Variants in NOL4L observed in about 807,000 individuals in gnomAD.
The protein encoded by NOL4L is nucleolar protein 4-like.
NOL4L carries 7 observed loss-of-function variants against 64.5 expected under a neutral mutation model. The ratio of observed to expected loss-of-function variants is 0.11; its 90% CI spans 0.06 to 0.20. The LOEUF (loss-of-function observed/expected upper bound fraction) is 0.20. NOL4L is among the 10% of genes least tolerant of loss of function. The pLI, the probability that NOL4L is intolerant of heterozygous loss-of-function variation, is 1.00. For missense variants in NOL4L, 680 were observed against 967.1 expected (o/e 0.70, Z 3.94); for synonymous variants, 413 against 401.0 (o/e 1.03, Z -0.36).
intron 1 of NOL4L, among the ~76,000 whole-genome samples, chr20:32,541,371 G>C (rs2018652640): frequency 6.6e-6 from 1 of 152,222 alleles, no homozygotes; most frequent in Non-Finnish European, 1.5e-5. Flanking sequence ...CATGCTACTA[G>C]CAGGCACTGA....
intron 2 of NOL4L, among the ~76,000 whole-genome samples, chr20:32,523,370 G>C (rs540462652): frequency 6.6e-6 from 1 of 152,156 alleles, no homozygotes; most frequent in East Asian, 1.9e-4. Flanking sequence ...CTGCACTGCC[G>C]TAGGGACCTG....
chr20:32,465,288 C>T (rs910461843), intron 5 of NOL4L, among the ~76,000 whole-genome samples: 38 of 152,132 alleles, frequency 2.5e-4, no homozygotes, highest in South Asian at 6.2e-4. Flanking sequence ...ACCCATCACC[C>T]GGGATGAGTG....
intron 4 of NOL4L, among the ~76,000 whole-genome samples, chr20:32,480,264 G>C (rs981844216): frequency 1.3e-5 from 2 of 152,176 alleles, no homozygotes; most frequent in South Asian, 2.1e-4. Context: ...GCTTGCTTGA[G>C]AAAGAAAAGG....
intron 2 of NOL4L, among the ~76,000 whole-genome samples, chr20:32,522,103 G>C (rs990532265): frequency 2.0e-5 from 3 of 152,232 alleles, no homozygotes; most frequent in Non-Finnish European, 2.9e-5. Context: ...CTGGGGAGTG[G>C]AGTTGTGGGG....
rs906541242 is a variant in NOL4L at position 32,463,307 on chromosome 20, C to A, written c.842-6912G>T. On this transcript the variant is annotated intron_variant, in intron 5 of 10. Transcript: ENST00000621426. This position sits in a 1 kb window ranked among gnomAD's most constrained non-coding sequence, Gnocchi z 5.8. ...TTGTCCCCACCTGGTCCCCATCTTG[C>A]TGCTTCCATGAGGCCCCTCCAGGAG... Among the ~76,000 whole-genome samples, 1 of 152,164 alleles carries A rather than the reference C, an allele frequency of 6.6e-6. No individual in the cohort carries two copies. The highest frequency in any genetic ancestry group is 1.5e-5 in the Non-Finnish European group (1 of 67,998).
chr20:32,499,730 C>A (rs1000148585), intron 4 of NOL4L, among the ~76,000 whole-genome samples: 2 of 113,924 alleles, frequency 1.8e-5, no homozygotes, highest in African/African-American at 5.1e-5. Flanking sequence ...CAGAGGGAGA[C>A]CTTGTCTCAA....
chr20:32,507,960 G>A (rs1458272236), intron 4 of NOL4L, among the ~76,000 whole-genome samples: 1 of 152,170 alleles, frequency 6.6e-6, no homozygotes. Context: ...GCAGTGAGCC[G>A]AGATCGCACC....
chr20:32,515,253 T>C (rs1161944123), intron 3 of NOL4L, among the ~76,000 whole-genome samples: 1 of 152,024 alleles, frequency 6.6e-6, no homozygotes, highest in Non-Finnish European at 1.5e-5. Flanking sequence ...GATGTCCTGG[T>C]CTTGGGGAAG....
At chr20:32,521,968 C>A (rs193209576) in intron 2 of NOL4L, among the ~76,000 whole-genome samples, 1 of 152,394 alleles carries the variant, frequency 6.6e-6, no homozygotes, top group East Asian at 1.9e-4. Flanking sequence ...GGGTGAGGGG[C>A]TGCTCTGCGC....
chr20:32,516,230 G>T (rs1390911894), intron 3 of NOL4L, among the ~76,000 whole-genome samples: 4 of 152,076 alleles, frequency 2.6e-5, no homozygotes, highest in African/African-American at 9.7e-5. Flanking sequence ...CCAGCCTCAG[G>T]GGGTTCAAAT....
rs1246947476 is a variant in NOL4L, at chr20:32,446,417, T to G, written c.*1179A>C. Reference sequence around the variant, plus strand: ...AAACATGGCGCAAGGGGATGGGAGCTGCAGCCCGCCCTGGAGCTCACGGCT... The same window carrying G: ...AAACATGGCGCAAGGGGATGGGAGCGGCAGCCCGCCCTGGAGCTCACGGCT... On this transcript the variant is annotated 3_prime_UTR_variant, in exon 11 of 11. Coordinates refer to ENST00000621426, the MANE Select transcript of NOL4L (RefSeq NM_001256798.2). 6.6e-6 allele frequency: 1 copy of G among 152,444 alleles called. No homozygotes were observed. The highest frequency in any genetic ancestry group is 1.9e-4 in the East Asian group (1 of 5,178). The allele number at this position is 152,444 out of a possible 1,614,324, so 9.4% of individuals were successfully genotyped here. A position where few individuals can be genotyped will look rare whatever the true frequency, so the allele number is the denominator to read the frequency against.
In NOL4L at chr20:32,584,846, C is replaced by T; in HGVS notation, c.45G>A (p.Glu15=). The change falls in exon 1 of 11, where the codon GAG becomes GAA. Residue 15 remains glutamate (E), a synonymous_variant. Coordinates refer to ENST00000621426, the MANE Select transcript of NOL4L (RefSeq NM_001256798.2). ...CCAGCTCCGAGTCCCCGGGGCTGCG[C>T]TCGCGCTCCCAGCCCCCGCGCAGCA... is the stretch of plus-strand genomic sequence containing the variant. ...TLLLRGGWER[E]RSPGDSELGR... 2 of 1,465,808 alleles carry T rather than the reference C, an allele frequency of 1.4e-6. No homozygotes were observed. Among genetic ancestry groups the T allele is most frequent in the South Asian group, 1.3e-5 (1 of 78,268 alleles). 90.8% of individuals were successfully genotyped at this position (1,465,808 alleles called of 1,614,324 possible).
chr20:32,474,563 G>C (rs1304914500), intron 5 of NOL4L, 38 bp downstream of exon 5: 1 of 1,588,134 alleles, frequency 6.3e-7, no homozygotes, highest in Non-Finnish European at 8.6e-7. Context: ...AGGGGGCCGG[G>C]CACAGCCCCT....
chr20:32,536,309 C>G, intron 1 of NOL4L: 2 of 985,212 alleles, frequency 2.0e-6, no homozygotes, highest in Non-Finnish European at 2.4e-6. Flanking sequence ...CCTCTCGGGC[C>G]GAGGAGGCGC....
At chr20:32,507,356 G>A (rs980470168) in intron 4 of NOL4L, among the ~76,000 whole-genome samples, 2 of 152,188 alleles carry the variant, frequency 1.3e-5, no homozygotes, top group African/African-American at 4.8e-5. Flanking sequence ...AACCCCCATA[G>A]CGGTGCCTTG....
intron 1 of NOL4L, among the ~76,000 whole-genome samples, chr20:32,582,780 T>A (rs1434684451): frequency 6.6e-6 from 1 of 152,136 alleles, no homozygotes; most frequent in Non-Finnish European, 1.5e-5. Flanking sequence ...AACCATCTCG[T>A]GGGTCACTGA....
At chr20:32,488,772 TTCCTTC>T (rs2016226358) in intron 4 of NOL4L, among the ~76,000 whole-genome samples, 1 of 54,066 alleles carries the variant, frequency 1.8e-5, no homozygotes, top group African/African-American at 2.0e-4. Context: ...CCTTCCTTCC[TTCCTTC>T]CTTCCTTCCT....
rs930746179 is a variant in NOL4L at position 32,478,062 on chromosome 20, CA to C, written c.700-3321del. 2.5e-4 allele frequency among the ~76,000 whole-genome samples: 38 copies of C among 152,334 alleles called. No individual in the cohort carries two copies. In the South Asian group the frequency reaches 5.8e-3, roughly 23 times the overall value. Reference sequence around the variant, plus strand: ...CCCCAACTGCCCAGGGGCACGAAGCCAGCAGCACAGCTGGTGTGTAGACCCA... The same window carrying C: ...CCCCAACTGCCCAGGGGCACGAAGCCGCAGCACAGCTGGTGTGTAGACCCA... On this transcript the variant is annotated intron_variant, in intron 4 of 10. Coordinates refer to ENST00000621426, the MANE Select transcript of NOL4L (RefSeq NM_001256798.2).
At chr20:32,562,647 G>A (rs752523193) in intron 1 of NOL4L, among the ~76,000 whole-genome samples, 8 of 151,916 alleles carry the variant, frequency 5.3e-5, no homozygotes, top group African/African-American at 7.3e-5. Context: ...TCTCCTCCCC[G>A]GAGTCACCAG....
Sources: allele counts gnomAD v4.1 joint callset (sites outside exome capture counted in the v4.1 genomes callset), GRCh38; gene constraint gnomAD v4.1.1; non-coding constraint Gnocchi (gnomAD v3.1); transcripts MANE v1.5; gene names NCBI Gene and HGNC (gene_info 2026-07-23, HGNC 2026-07-21).